ABCA13: variants seen among roughly 807,000 people sequenced by gnomAD.
ABCA13 encodes the protein ATP binding cassette subfamily A member 13, also known as ATP-binding cassette sub-family A member 13.
A neutral mutation model predicts 478.7 loss-of-function variants in ABCA13; 476 were observed. The ratio of observed to expected loss-of-function variants is 0.99; its 90% CI spans 0.92 to 1.07. The LOEUF (loss-of-function observed/expected upper bound fraction) is 1.07, where lower values mean the gene tolerates loss of function less well. ABCA13 is among the 50% of genes least tolerant of loss of function. The pLI is 0.00. For missense variants in ABCA13, 6,060 were observed against 5,910.6 expected, an observed-to-expected ratio of 1.03 and a Z score of -0.83; for synonymous variants, 2,252 against 2,158.9, an observed-to-expected ratio of 1.04 and a Z score of -1.20.
intron 47 of ABCA13, among the ~76,000 whole-genome samples, chr7:48,484,150 A>G (rs1385014110): frequency 6.6e-6 from 1 of 152,220 alleles, no homozygotes; most frequent in Non-Finnish European, 1.5e-5. Flanking sequence ...ATTCAGTGAA[A>G]TAAAAGTTCT....
chr7:48,601,567 G>A (rs1255241993), intron 58 of ABCA13, among the ~76,000 whole-genome samples: 1 of 152,024 alleles, frequency 6.6e-6, no homozygotes, highest in African/African-American at 2.4e-5. Context: ...CTTTTTTATG[G>A]CTGCATAATA....
At chr7:48,233,934 A>G in intron 7 of ABCA13, 84 bp from the exon 8 acceptor site, 5 of 1,507,504 alleles carry the variant, frequency 3.3e-6, no homozygotes, top group Non-Finnish European at 4.5e-6. Context: ...TAGAGGTGAA[A>G]AAAGGTATTT....
chr7:48,256,870 G>T (rs1793471618), intron 15 of ABCA13, among the ~76,000 whole-genome samples: 1 of 152,054 alleles, frequency 6.6e-6, no homozygotes, highest in East Asian at 1.9e-4. Context: ...TCGGTAGTTT[G>T]TTAAGAATAA....
intron 48 of ABCA13, among the ~76,000 whole-genome samples, chr7:48,498,244 T>A (rs1232317021): frequency 6.6e-6 from 1 of 152,152 alleles, no homozygotes; most frequent in Non-Finnish European, 1.5e-5. Flanking sequence ...TTGCCTAGAG[T>A]AAGGCAGATA....
At chr7:48,633,795 A>C (rs909899907) in intron 59 of ABCA13, among the ~76,000 whole-genome samples, 8 of 152,052 alleles carry the variant, frequency 5.3e-5, no homozygotes, top group Non-Finnish European at 1.0e-4. Context: ...AGGTTGAGGC[A>C]GGAGAATCAC....
intron 55 of ABCA13, among the ~76,000 whole-genome samples, chr7:48,565,602 G>A (rs572380764): frequency 3.4e-4 from 51 of 152,168 alleles, no homozygotes; most frequent in African/African-American, 1.1e-3. Flanking sequence ...GGTTGCTCAT[G>A]TGTGTAATCC....
At chr7:48,463,599 G>A (rs1313988113) in intron 43 of ABCA13, among the ~76,000 whole-genome samples, 4 of 152,142 alleles carry the variant, frequency 2.6e-5, no homozygotes, top group Non-Finnish European at 5.9e-5. Context: ...GGCCTGTAGA[G>A]ATGATGGCCC....
intron 29 of ABCA13, among the ~76,000 whole-genome samples, chr7:48,344,271 G>A (rs1807704708): frequency 1.3e-5 from 2 of 151,496 alleles, no homozygotes; most frequent in Admixed American, 1.3e-4. Flanking sequence ...TACACTGCAT[G>A]GAACAGCCCT....
chr7:48,190,309 A>G (rs1796927906), intron 1 of ABCA13, among the ~76,000 whole-genome samples: 1 of 152,190 alleles, frequency 6.6e-6, no homozygotes, highest in Admixed American at 6.5e-5. Context: ...GATTCATTGA[A>G]CTGCATCTAC....
At chr7:48,245,679 TCA>T in intron 12 of ABCA13, 67 bp downstream of exon 12, 1 of 1,523,196 alleles carries the variant, frequency 6.6e-7, no homozygotes. Context: ...CATGCAATAT[TCA>T]GTTTTGCTCC....
chr7:48,453,314 T>G (rs1225753065), intron 42 of ABCA13, among the ~76,000 whole-genome samples: 1 of 152,034 alleles, frequency 6.6e-6, no homozygotes, highest in Non-Finnish European at 1.5e-5. Flanking sequence ...TGCAGCCTGG[T>G]TTAGAAACCA....
At chr7:48,596,734 C>T (rs1790325660) in intron 58 of ABCA13, among the ~76,000 whole-genome samples, 1 of 151,606 alleles carries the variant, frequency 6.6e-6, no homozygotes, top group African/African-American at 2.4e-5. Flanking sequence ...GGAGGTGGAG[C>T]TTGCAGTGAG....
In ABCA13 at chr7:48,290,789, G is replaced by A. The variant is rs553256140; in HGVS notation, c.8955+2711G>A. Among the ~76,000 whole-genome samples, 7 of 152,098 alleles carry A rather than the reference G, an allele frequency of 4.6e-5. No homozygotes were observed. The East Asian group carries it at 1.4e-3, about 29-fold the overall frequency. ...TTCTCAGGAGTGAGTTGGCCCCTAA[G>A]GGGATACTCACCTGTATCTATTGTT... On this transcript the variant is annotated intron_variant, in intron 20 of 61. Coordinates refer to ENST00000435803, the MANE Select transcript of ABCA13 (RefSeq NM_152701.5).
chr7:48,251,290 C>A lies in ABCA13; in HGVS notation c.2005+1939C>A, dbSNP rs947711797. Among the ~76,000 whole-genome samples, 9 of 152,172 alleles carry A rather than the reference C, an allele frequency of 5.9e-5. No homozygotes were observed. In the South Asian group the frequency reaches 1.9e-3, roughly 32 times the overall value. On this transcript the variant is annotated intron_variant, in intron 15 of 61. Transcript: ENST00000435803. Reference sequence around the variant, plus strand: ...GAAACAGGCTACAGAGAGTGATATGCAATAGTGGCAACAGGCTTGTGGTTC... The same window carrying A: ...GAAACAGGCTACAGAGAGTGATATGAAATAGTGGCAACAGGCTTGTGGTTC...
At position 48,483,074 on chromosome 7, in the gene ABCA13, A is replaced by G. The variant is rs1828935722; in HGVS notation, c.13095-2A>G. On this transcript the variant is annotated splice_acceptor_variant, in intron 46 of 61. Transcript: ENST00000435803. LOFTEE classifies it high-confidence loss of function. ...CACTAACACAATGTTCATTGTTAACAGGCTTGGAGGTTGGTCTTTTGGATT... is the reference window on the plus strand; with the variant it reads ...CACTAACACAATGTTCATTGTTAACGGGCTTGGAGGTTGGTCTTTTGGATT... The G allele has an allele frequency of 1.9e-6, 3 of 1,607,792 alleles. No individual in the cohort carries two copies. The East Asian group carries it at 6.7e-5, about 36-fold the overall frequency.
At chr7:48,411,931 G>C (rs1819310493) in intron 40 of ABCA13, among the ~76,000 whole-genome samples, 1 of 152,266 alleles carries the variant, frequency 6.6e-6, no homozygotes, top group African/African-American at 2.4e-5. Context: ...ATTATCCCCA[G>C]GTGGCTCCTT....
At chr7:48,246,978 T>C (rs1791794850) in intron 13 of ABCA13, among the ~76,000 whole-genome samples, 1 of 152,134 alleles carries the variant, frequency 6.6e-6, no homozygotes. Flanking sequence ...CTCATGCCTG[T>C]AGTCCCAGCA....
At chr7:48,313,946 C>G (rs1802144944) in intron 25 of ABCA13, among the ~76,000 whole-genome samples, 1 of 151,310 alleles carries the variant, frequency 6.6e-6, no homozygotes, top group Non-Finnish European at 1.5e-5. Flanking sequence ...TAATTTATTA[C>G]TGGACAAATA....
chr7:48,359,249 A>G (rs1810442215), intron 31 of ABCA13, among the ~76,000 whole-genome samples: 1 of 151,864 alleles, frequency 6.6e-6, no homozygotes, highest in Non-Finnish European at 1.5e-5. Flanking sequence ...GGGCAGCTTC[A>G]AATCTGAGAA....
Sources: gnomAD v4.1 joint callset for allele counts (sites outside exome capture counted in the v4.1 genomes callset) on GRCh38, gnomAD v4.1.1 for gene constraint, MANE v1.5 for transcripts, NCBI Gene and HGNC (gene_info 2026-07-23, HGNC 2026-07-21) for gene names.